The following PLEKHG1 variants were observed in gnomAD, a reference collection of about 807,000 sequenced individuals.
The protein encoded by PLEKHG1 is pleckstrin homology domain-containing family G member 1.
In PLEKHG1, 44 loss-of-function variants were observed where a neutral mutation model predicts 100.8. That is an observed-to-expected ratio of 0.44 (90% confidence interval 0.34 to 0.56). The LOEUF is 0.56. PLEKHG1 is among the 20% of genes least tolerant of loss of function. The pLI is 0.01. For missense variants in PLEKHG1, 1,545 were observed against 1,720.9 expected (o/e 0.90, Z 1.81); for synonymous variants, 640 against 662.5 (o/e 0.97, Z 0.52).
rs754046929 is a variant in PLEKHG1, at chr6:150,810,543, A to AAAGAAAGAAAGAAAGG, written c.1278+812_1278+813insAAAGAAAGAAAGGAAG. Among the ~76,000 whole-genome samples the AAAGAAAGAAAGAAAGG allele has an allele frequency of 1.2e-3, 176 of 146,910 alleles. 2 individuals are homozygous for AAAGAAAGAAAGAAAGG. The highest frequency in any genetic ancestry group is 2.2e-3 in the Non-Finnish European group (145 of 66,036). ...GAAAGAAAGAAAGAAAGAAAGGAAG[A>AAAGAAAGAAAGAAAGG]AAGGAAGGAAAGAAAGAAAGAAAAT... On this transcript the variant is annotated intron_variant, in intron 10 of 15. Coordinates refer to ENST00000358517, the Ensembl canonical transcript of PLEKHG1.
At chr6:150,820,099 C>T (rs915914214) in intron 12 of PLEKHG1, among the ~76,000 whole-genome samples, 1 of 152,042 alleles carries the variant, frequency 6.6e-6, no homozygotes, top group South Asian at 2.1e-4. Context: ...ATCCTAGCTA[C>T]TTGGGAGGCT....
At chr6:150,737,788 CT>C (rs1284066601) in intron 2 of PLEKHG1, among the ~76,000 whole-genome samples, 1 of 151,800 alleles carries the variant, frequency 6.6e-6, no homozygotes, top group Non-Finnish European at 1.5e-5. Flanking sequence ...AAAAGACGGA[CT>C]TTTTTTTAGT....
At chr6:150,680,298 T>A (rs1018933029) in intron 3 of PLEKHG1, among the ~76,000 whole-genome samples, 1 of 152,166 alleles carries the variant, frequency 6.6e-6, no homozygotes, top group African/African-American at 2.4e-5. Context: ...GATTTGAATA[T>A]GTGGAGTGAT....
intron 2 of PLEKHG1, among the ~76,000 whole-genome samples, chr6:150,644,380 G>C (rs971827022): frequency 7.3e-6 from 1 of 136,548 alleles, no homozygotes; most frequent in Non-Finnish European, 1.5e-5. Flanking sequence ...TGTCACCCAG[G>C]CTGGAGTGCA....
chr6:150,609,524 C>A (rs577796645), intron 1 of PLEKHG1, among the ~76,000 whole-genome samples: 1 of 151,952 alleles, frequency 6.6e-6, no homozygotes, highest in East Asian at 1.9e-4. Context: ...GGAGGAGGAG[C>A]AGTAAGCAGG....
chr6:150,820,530 G>T (rs186096157), intron 12 of PLEKHG1, among the ~76,000 whole-genome samples: 1 of 152,088 alleles, frequency 6.6e-6, no homozygotes, highest in Non-Finnish European at 1.5e-5. Flanking sequence ...AATAATCCAC[G>T]TGACTCCTGC....
intron 3 of PLEKHG1, among the ~76,000 whole-genome samples, chr6:150,676,589 A>C (rs1779764404): frequency 2.0e-5 from 3 of 152,180 alleles, no homozygotes; most frequent in African/African-American, 7.2e-5. Context: ...CGGTGTCATG[A>C]GACAAGAACT....
upstream of PLEKHG1, among the ~76,000 whole-genome samples, chr6:150,716,102 CGTCTCAAAAA>C (rs1224551141): frequency 3.5e-5 from 2 of 56,558 alleles, no homozygotes; most frequent in East Asian, 9.8e-4. Flanking sequence ...AGCGAGACTC[CGTCTCAAAAA>C]AAAAAAAAAA....
intron 3 of PLEKHG1, among the ~76,000 whole-genome samples, chr6:150,771,029 G>A (rs1182128313): frequency 2.0e-5 from 3 of 152,208 alleles, no homozygotes; most frequent in Admixed American, 6.5e-5. Context: ...GTGGAGCCCT[G>A]CTTCTCTGGT....
chr6:150,694,214 C>T (rs1419638129), intron 3 of PLEKHG1, among the ~76,000 whole-genome samples: 1 of 152,226 alleles, frequency 6.6e-6, no homozygotes, highest in Non-Finnish European at 1.5e-5. Flanking sequence ...TTATAGCATA[C>T]AGAGTAAGAG....
intron 2 of PLEKHG1, among the ~76,000 whole-genome samples, chr6:150,650,320 C>T (rs1456707085): frequency 1.3e-5 from 2 of 152,288 alleles, no homozygotes; most frequent in Non-Finnish European, 2.9e-5. Context: ...TTCATGGCCT[C>T]GCGTTTTCTC....
intron 10 of PLEKHG1, among the ~76,000 whole-genome samples, chr6:150,816,318 C>T (rs1583187298): frequency 9.3e-6 from 1 of 107,910 alleles, no homozygotes; most frequent in South Asian, 3.5e-4. Context: ...GAAGTTGTCT[C>T]AAACATACTT....
chr6:150,634,334 AG>A (rs1311331616), intron 1 of PLEKHG1, among the ~76,000 whole-genome samples: 1 of 151,882 alleles, frequency 6.6e-6, no homozygotes, highest in Non-Finnish European at 1.5e-5. Flanking sequence ...AAATAATATG[AG>A]AATGTAGTAA....
intron 3 of PLEKHG1, among the ~76,000 whole-genome samples, chr6:150,691,328 C>T (rs1780343978): frequency 2.0e-5 from 3 of 152,066 alleles, no homozygotes; most frequent in African/African-American, 7.2e-5. Flanking sequence ...TTAAATACAA[C>T]TTAAGTGTGA....
intron 2 of PLEKHG1, among the ~76,000 whole-genome samples, chr6:150,745,498 C>G (rs962901467): frequency 2.0e-5 from 3 of 152,098 alleles, no homozygotes; most frequent in Non-Finnish European, 4.4e-5. Context: ...GCCTGGCCAC[C>G]ATGGTGAAAC....
At chr6:150,724,547 T>C (rs1781861277) in intron 1 of PLEKHG1, among the ~76,000 whole-genome samples, 1 of 115,614 alleles carries the variant, frequency 8.6e-6, no homozygotes, top group Non-Finnish European at 1.6e-5. Context: ...TTTCTTTTCT[T>C]TTTTCTTTTT....
At chr6:150,686,534 G>C (rs1780136471) in intron 3 of PLEKHG1, among the ~76,000 whole-genome samples, 1 of 152,200 alleles carries the variant, frequency 6.6e-6, no homozygotes, top group Non-Finnish European at 1.5e-5. Flanking sequence ...AGTAAAAAAT[G>C]AAGCATCGAG....
intron 10 of PLEKHG1, among the ~76,000 whole-genome samples, chr6:150,817,335 G>A (rs1354145154): frequency 6.6e-6 from 1 of 152,192 alleles, no homozygotes; most frequent in African/African-American, 2.4e-5. Context: ...GATGGGAGGT[G>A]CAGGGAGTTG....
intron 3 of PLEKHG1, chr6:150,686,911 A>T (rs1220704845): frequency 6.6e-6 from 1 of 152,646 alleles, no homozygotes; most frequent in Non-Finnish European, 1.5e-5. Flanking sequence ...TGGTCAGAGG[A>T]TGGAGGAATC....
Sources: gnomAD v4.1 joint callset for allele counts (sites outside exome capture counted in the v4.1 genomes callset) on GRCh38, gnomAD v4.1.1 for gene constraint, MANE v1.5 for transcripts, NCBI Gene and HGNC (gene_info 2026-07-23, HGNC 2026-07-21) for gene names.